Variants in ARHGEF37 observed in about 807,000 individuals in gnomAD.
The protein encoded by ARHGEF37 is Rho guanine nucleotide exchange factor 37, also known as Rho guanine nucleotide exchange factor (GEF) 37.
A neutral mutation model predicts 71.1 loss-of-function variants in ARHGEF37; 55 were observed. The observed-to-expected ratio is 0.77, with a 90% CI of 0.62 to 0.97. The LOEUF is 0.97. Among genes scored for constraint, ARHGEF37 ranks in the 50% least tolerant of loss-of-function variants. ARHGEF37 has a pLI of 0.00. For synonymous variants in ARHGEF37, 327 were observed against 350.6 expected, an observed-to-expected ratio of 0.93 and a Z score of 0.75; for missense variants, 765 against 836.8, an observed-to-expected ratio of 0.91 and a Z score of 1.06.
At chr5:149,629,589 C>T (rs1027402114) in intron 12 of ARHGEF37, among the ~76,000 whole-genome samples, 3 of 152,196 alleles carry the variant, frequency 2.0e-5, no homozygotes, top group African/African-American at 4.8e-5. Flanking sequence ...TATGAGGAAC[C>T]GAATGAAGCC....
chr5:149,569,300 T>TTTTATTTA (rs553307248), intron 1 of ARHGEF37, among the ~76,000 whole-genome samples: 8 of 151,672 alleles, frequency 5.3e-5, no homozygotes, highest in African/African-American at 1.7e-4. Flanking sequence ...TTCTGTTTAT[T>TTTTATTTA]TTTATTTATT....
At chr5:149,590,793 T>C (rs767742297) in intron 1 of ARHGEF37, among the ~76,000 whole-genome samples, 3 of 152,034 alleles carry the variant, frequency 2.0e-5, no homozygotes, top group Non-Finnish European at 4.4e-5. Context: ...GAGATGGGGT[T>C]TCACCACGTT....
intron 1 of ARHGEF37, among the ~76,000 whole-genome samples, chr5:149,558,761 A>G (rs539200198): frequency 8.6e-4 from 130 of 150,738 alleles, no homozygotes; most frequent in Non-Finnish European, 1.5e-3. Flanking sequence ...ATATGTATAA[A>G]ATATTTACTG....
At chr5:149,631,102 C>G (rs1752865646) in intron 12 of ARHGEF37, among the ~76,000 whole-genome samples, 1 of 151,862 alleles carries the variant, frequency 6.6e-6, no homozygotes, top group Admixed American at 6.6e-5. Flanking sequence ...ATTGTTTTCT[C>G]TAGTTCAATT....
At position 149,597,969 on chromosome 5, in the gene ARHGEF37, G is replaced by A. The variant is rs771654158; in HGVS notation, c.186+14G>A. ...CGCCTCCAGCAGGTACTTGGGTGGG[G>A]TCACACACAACCTGTCTTTATAGGG... On this transcript the variant is annotated intron_variant, in intron 2 of 12. Coordinates refer to ENST00000333677, the MANE Select transcript of ARHGEF37 (RefSeq NM_001001669.3). 1.3e-5 allele frequency: 21 copies of A among 1,566,040 alleles called. No individual in the cohort carries two copies. Among genetic ancestry groups the A allele is most frequent in the Non-Finnish European group, 1.8e-5 (21 of 1,157,518 alleles).
intron 10 of ARHGEF37, 39 bp downstream of exon 10, chr5:149,624,179 T>C (rs1239614825): frequency 6.3e-7 from 1 of 1,578,292 alleles, no homozygotes; most frequent in Admixed American, 1.7e-5. Flanking sequence ...TGTCCAGTTC[T>C]TCACTGGCCA....
rs919180947 is a variant in ARHGEF37, at chr5:149,575,648, T to C, written c.-11-22111T>C. On this transcript the variant is annotated intron_variant, in intron 1 of 2. Transcript: ENST00000505810. ...TTGTAGTTTTTGGATAAGTTGGATT[T>C]CTGTCACTGCAACCAAATGACTATT... 5.5e-4 allele frequency among the ~76,000 whole-genome samples: 83 copies of C among 152,050 alleles called. 2 individuals are homozygous for C. The highest frequency in any genetic ancestry group is 8.8e-4 in the Non-Finnish European group (60 of 68,010).
chr5:149,619,284 G>A (rs7728256), intron 7 of ARHGEF37, among the ~76,000 whole-genome samples: 16,760 of 152,184 alleles, frequency 0.11, 1,175 homozygotes, highest in African/African-American at 0.19. Flanking sequence ...TTCACTGGAA[G>A]CAGAGCCCCG....
At chr5:149,629,962 T>C (rs1752829015) in intron 12 of ARHGEF37, among the ~76,000 whole-genome samples, 2 of 151,832 alleles carry the variant, frequency 1.3e-5, no homozygotes, top group Admixed American at 6.6e-5. Flanking sequence ...TAGGATTCCA[T>C]TATGTGGATG....
intron 9 of ARHGEF37, among the ~76,000 whole-genome samples, chr5:149,622,411 A>C (rs527587457): frequency 6.6e-6 from 1 of 152,340 alleles, no homozygotes; most frequent in East Asian, 1.9e-4. Context: ...GTTTCTACAC[A>C]GTAAGGAGTA....
At chr5:149,570,320 T>C (rs1190461276) in intron 1 of ARHGEF37, among the ~76,000 whole-genome samples, 1 of 152,086 alleles carries the variant, frequency 6.6e-6, no homozygotes, top group Admixed American at 6.5e-5. Flanking sequence ...ACACCTGTAA[T>C]CCCAGCACTT....
At chr5:149,590,936 A>G (rs1763387799) in intron 1 of ARHGEF37, among the ~76,000 whole-genome samples, 1 of 152,214 alleles carries the variant, frequency 6.6e-6, no homozygotes, top group African/African-American at 2.4e-5. Flanking sequence ...ATAAAATACA[A>G]TAGAACAATC....
chr5:149,631,748 G>A (rs142481053), intron 12 of ARHGEF37, among the ~76,000 whole-genome samples: 210 of 152,322 alleles, frequency 1.4e-3, no homozygotes, highest in Non-Finnish European at 2.4e-3. Context: ...TAGAATTATT[G>A]TGAGAACCCA....
intron 3 of ARHGEF37, among the ~76,000 whole-genome samples, chr5:149,606,050 G>A (rs888037195): frequency 1.3e-5 from 2 of 152,286 alleles, no homozygotes; most frequent in South Asian, 4.1e-4. Context: ...ACTCTGTTCT[G>A]TGGGAGTTCA....
chr5:149,576,947 G>C (rs1763034609), upstream of ARHGEF37, among the ~76,000 whole-genome samples: 1 of 141,064 alleles, frequency 7.1e-6, no homozygotes, highest in African/African-American at 2.5e-5. Context: ...CAGAGTGAGA[G>C]ACTCTGTCTG....
At position 149,627,044 on chromosome 5, in the gene ARHGEF37, A is replaced by G. The variant is rs200765833; in HGVS notation, c.1465-32A>G. On this transcript the variant is annotated intron_variant, in intron 10 of 12. Transcript: ENST00000333677. ...CCAGCTTTGACAGGTTTATTCAAGC[A>G]CTTGTGTCTGTCTGTGCTCCTCCTC... The G allele has an allele frequency of 6.2e-5, 98 of 1,583,394 alleles. No individual in the cohort carries two copies. In the Middle Eastern group the frequency reaches 6.8e-4, roughly 11 times the overall value.
chr5:149,602,059 C>CT (rs3073461), intron 3 of ARHGEF37, among the ~76,000 whole-genome samples: 57 of 143,284 alleles, frequency 4.0e-4, no homozygotes, highest in African/African-American at 4.9e-4. Context: ...TCTTTTCTTT[C>CT]TTTTTTTTTT....
upstream of ARHGEF37, among the ~76,000 whole-genome samples, chr5:149,579,498 T>C (rs142784810): frequency 2.0e-5 from 3 of 152,328 alleles, no homozygotes; most frequent in Admixed American, 6.5e-5. Flanking sequence ...AGACTTTTCT[T>C]TGAAGCATCC....
At chr5:149,562,075 T>C (rs2113234355) in intron 1 of ARHGEF37, among the ~76,000 whole-genome samples, 1 of 152,284 alleles carries the variant, frequency 6.6e-6, no homozygotes, top group East Asian at 1.9e-4. Flanking sequence ...CTCTTAACTC[T>C]CCATGCTGAT....
Sources: allele counts gnomAD v4.1 joint callset (sites outside exome capture counted in the v4.1 genomes callset), GRCh38; gene constraint gnomAD v4.1.1; transcripts MANE v1.5; gene names NCBI Gene and HGNC (gene_info 2026-07-23, HGNC 2026-07-21).